Variants in ITGAE observed in about 807,000 individuals in gnomAD.
ITGAE encodes integrin alpha-E.
ITGAE carries 99 observed loss-of-function variants against 136.5 expected under a neutral mutation model. The ratio of observed to expected loss-of-function variants is 0.73; its 90% CI spans 0.62 to 0.86. The LOEUF (loss-of-function observed/expected upper bound fraction) is 0.86, where lower values mean the gene tolerates loss of function less well. Among genes scored for constraint, ITGAE ranks in the 40% least tolerant of loss-of-function variants. The pLI is 0.00. For missense variants in ITGAE, 1,447 were observed against 1,515.3 expected, an observed-to-expected ratio of 0.95 and a Z score of 0.75; for synonymous variants, 613 against 591.8, an observed-to-expected ratio of 1.04 and a Z score of -0.52.
intron 21 of ITGAE, among the ~76,000 whole-genome samples, chr17:3,734,057 A>G (rs1320459258): frequency 6.6e-6 from 1 of 152,150 alleles, no homozygotes; most frequent in Non-Finnish European, 1.5e-5. Context: ...ACTACTTCAA[A>G]CAGCAAAGTT....
intron 1 of ITGAE, among the ~76,000 whole-genome samples, chr17:3,782,596 G>C (rs992593751): frequency 1.3e-5 from 2 of 151,928 alleles, no homozygotes; most frequent in Non-Finnish European, 2.9e-5. Flanking sequence ...TCGAACTCCT[G>C]ACCTCAGGTG....
rs1297077983 is a variant in ITGAE at position 3,739,700 on chromosome 17, G to A, written c.2522+105C>T. ...AGTGCAGAAGCCATTTGTGGGCCAC[G>A]GGGAGAGGGGAAGGGGATGTGCAGG... On this transcript the variant is annotated intron_variant, in intron 20 of 30. Coordinates refer to ENST00000263087, the MANE Select transcript of ITGAE (RefSeq NM_002208.5). The A allele has an allele frequency of 3.6e-5, 34 of 942,530 alleles. No individual in the cohort carries two copies. The East Asian group carries it at 4.3e-4, about 12-fold the overall frequency. The allele number at this position is 942,530 out of a possible 1,614,324, so 58.4% of individuals were successfully genotyped here.
chr17:3,777,766 C>G (rs774559620), intron 1 of ITGAE, 106 bp from the exon 2 acceptor site: 6 of 1,315,014 alleles, frequency 4.6e-6, no homozygotes, highest in Non-Finnish European at 4.1e-6. Context: ...AAAAGTGAGA[C>G]TGCCCAGGGA....
rs79248846 is a variant in ITGAE, at chr17:3,801,091, C to T, written c.34+20G>A. The T allele has an allele frequency of 1.5e-3, 2,370 of 1,612,978 alleles. 68 individuals carry two copies. The East Asian group carries it at 0.041, about 28-fold the overall frequency. On this transcript the variant is annotated intron_variant, in intron 1 of 30. Transcript: ENST00000263087. ...CTGAGGGCACAGCAGCCCCTCGAAG[C>T]AGCGGGTGAGAGGACTTACTGGCTA...
chr17:3,786,064 G>A (rs1255561324), intron 1 of ITGAE, among the ~76,000 whole-genome samples: 2 of 151,544 alleles, frequency 1.3e-5, no homozygotes, highest in African/African-American at 2.4e-5. Flanking sequence ...CTACTCGGGA[G>A]GCTGAGGCAG....
intron 4 of ITGAE, 64 bp downstream of exon 4, chr17:3,761,851 G>A: frequency 7.1e-7 from 1 of 1,411,446 alleles, no homozygotes; most frequent in South Asian, 1.2e-5. Context: ...TCAACACCAG[G>A]GTCAACCACG....
At chr17:3,795,863 ATGTGCATCCGTGTGCG>A (rs2053058233) in intron 1 of ITGAE, among the ~76,000 whole-genome samples, 3 of 123,816 alleles carry the variant, frequency 2.4e-5, no homozygotes, top group Admixed American at 8.0e-5. Flanking sequence ...GTGTGCATCC[ATGTGCATCCGTGTGCG>A]TGTGCATCCG....
chr17:3,761,275 G>T (rs1312436084), intron 5 of ITGAE, 98 bp from the exon 6 acceptor site: 1 of 1,550,998 alleles, frequency 6.4e-7, no homozygotes, highest in Admixed American at 1.8e-5. Flanking sequence ...TTCACGTGAT[G>T]CCTCAACCCT....
Position 3,739,896 on chromosome 17 carries a change from G to T in ITGAE, c.2449-18C>A, listed in dbSNP as rs181124693. ...TAGGGCAGCTGTAACCAGACAGAGAGTCCCGATCAGCCCAGGCTCCGCCTT... is the reference window on the plus strand; with the variant it reads ...TAGGGCAGCTGTAACCAGACAGAGATTCCCGATCAGCCCAGGCTCCGCCTT... On this transcript the variant is annotated intron_variant, in intron 19 of 30. Transcript: ENST00000263087. The T allele has an allele frequency of 7.9e-5, 127 of 1,605,868 alleles. No individual in the cohort carries two copies. The African/African-American group carries it at 1.6e-3, about 20-fold the overall frequency.
At chr17:3,755,029 A>G in intron 12 of ITGAE, 88 bp downstream of exon 12, 2 of 960,406 alleles carry the variant, frequency 2.1e-6, no homozygotes, top group Non-Finnish European at 2.6e-6. Context: ...TCGCCCACGT[A>G]GCCCTCAGGC....
chr17:3,745,912 A>C lies in ITGAE; in HGVS notation c.2171T>G (p.Leu724Arg). The change falls in exon 18 of 31, where the codon CTT (leucine) becomes CGT (arginine). Residue 724 changes from leucine to arginine, a missense_variant. By Grantham distance (102) the Leu-to-Arg change is moderately radical. Around this residue, in one of 3 missense-constraint regions of ITGAE, gnomAD observed 1,031 missense variants for 1,011.4 expected, o/e 1.02. Coordinates refer to ENST00000263087, the MANE Select transcript of ITGAE (RefSeq NM_002208.5). The stretch of plus-strand genomic sequence containing the variant: ...ATCCACATCCAGCGTGAAGTTGAGA[A>C]GTGCCTCGCGGAGGCCTGGGAATGA... ...TASESGLREA[L>R]LNFTLDVDVG... The C allele has an allele frequency of 6.2e-7, 1 of 1,613,860 alleles. No individual in the cohort carries two copies.
chr17:3,790,953 G>A (rs547651355), intron 1 of ITGAE, among the ~76,000 whole-genome samples: 2 of 152,168 alleles, frequency 1.3e-5, no homozygotes, highest in Admixed American at 6.5e-5. Flanking sequence ...AGGAGATCGA[G>A]ACCGTCCTGG....
At chr17:3,773,502 T>G (rs1428611499) in intron 2 of ITGAE, among the ~76,000 whole-genome samples, 1 of 147,464 alleles carries the variant, frequency 6.8e-6, no homozygotes, top group Non-Finnish European at 1.5e-5. Context: ...AAAAAAAAGA[T>G]ATTACAAAGG....
chr17:3,725,139 G>A, intron 26 of ITGAE: 1 of 1,614,168 alleles, frequency 6.2e-7, no homozygotes, highest in Non-Finnish European at 8.5e-7. Context: ...TGTGTCAGAG[G>A]TCTGCAGCAT....
chr17:3,731,095 A>C lies in ITGAE; in HGVS notation c.2834+9T>G. 1 of 1,609,330 alleles carries C rather than the reference A, an allele frequency of 6.2e-7. No individual in the cohort carries two copies. The highest frequency in any genetic ancestry group is 8.5e-7 in the Non-Finnish European group (1 of 1,175,844). On this transcript the variant is annotated intron_variant, in intron 23 of 30. Transcript: ENST00000263087. ...AGCCTGACTCTGCTGTGACCCAGGC[A>C]GTACTTACTTGGTGACAGTCACAGT...
chr17:3,763,772 G>C, intron 3 of ITGAE, 97 bp downstream of exon 3: 4 of 955,286 alleles, frequency 4.2e-6, no homozygotes, highest in Non-Finnish European at 6.8e-6. Flanking sequence ...GGCTGGATGA[G>C]GCAGGGCTGG....
intron 7 of ITGAE, 144 bp from the exon 8 acceptor site, chr17:3,759,697 C>T (rs1019075767): frequency 2.1e-6 from 2 of 941,174 alleles, no homozygotes; most frequent in Non-Finnish European, 3.2e-6. Flanking sequence ...AGCAAAATCT[C>T]TAAGCGAGTA....
intron 8 of ITGAE, among the ~76,000 whole-genome samples, chr17:3,758,870 A>C (rs572222162): frequency 7.9e-5 from 12 of 151,640 alleles, no homozygotes; most frequent in Non-Finnish European, 1.6e-4. Context: ...TCACGCCTGT[A>C]ATCCCAGCAC....
chr17:3,718,252 C>T (rs1271338354), intron 29 of ITGAE: 3 of 152,242 alleles, frequency 2.0e-5, no homozygotes, highest in African/African-American at 7.2e-5. Flanking sequence ...AGGATGTCTC[C>T]TGGGAGCTTT....
Sources: allele counts gnomAD v4.1 joint callset (sites outside exome capture counted in the v4.1 genomes callset), GRCh38; gene constraint gnomAD v4.1.1; regional missense constraint gnomAD v4.1.1; transcripts MANE v1.5; gene names NCBI Gene and HGNC (gene_info 2026-07-23, HGNC 2026-07-21).